The following ANKEF1 variants were observed in gnomAD, a reference collection of about 807,000 sequenced individuals.
The protein encoded by ANKEF1 is ankyrin repeat and EF-hand domain containing 1, also known as ankyrin repeat and EF-hand domain-containing protein 1.
ANKEF1 carries 43 observed loss-of-function variants against 65.1 expected under a neutral mutation model. The ratio of observed to expected loss-of-function variants is 0.66; its 90% CI spans 0.52 to 0.85. The LOEUF is 0.85. Ranked by LOEUF, ANKEF1 falls within the 40% of genes least tolerant of loss-of-function variation. The pLI is 0.00. For synonymous variants in ANKEF1, 316 were observed against 341.5 expected (o/e 0.93, Z 0.82); for missense variants, 934 against 952.9 (o/e 0.98, Z 0.26).
At chr20:10,045,114 C>A (rs1984435563) in intron 5 of ANKEF1, among the ~76,000 whole-genome samples, 1 of 152,156 alleles carries the variant, frequency 6.6e-6, no homozygotes, top group African/African-American at 2.4e-5. Context: ...TAGTTATCTT[C>A]ATTTATATCA....
chr20:10,038,490 G>A lies in ANKEF1; in HGVS notation c.189G>A (p.Met63Ile). The change falls in exon 3 of 11, where the codon ATG (methionine) becomes ATA (isoleucine). Residue 63 changes from methionine (M) to isoleucine (I), a missense_variant. By Grantham distance (10) the Met-to-Ile change is conservative. Transcript: ENST00000378392. ...HLASVSNDID[M>I]VSFLLDLGAH... The stretch of plus-strand genomic sequence containing the variant: ...CCTCAGTTTCCAATGATATTGATAT[G>A]GTCAGCTTTCTCCTTGACCTTGGTG... The A allele has an allele frequency of 6.2e-7, 1 of 1,614,166 alleles. No individual in the cohort carries two copies. The highest frequency in any genetic ancestry group is 1.6e-4 in the Middle Eastern group (1 of 6,062).
At position 10,045,591 on chromosome 20, in the gene ANKEF1, T is replaced by C; in HGVS notation, c.714T>C (p.Phe238=). The C allele has an allele frequency of 1.2e-6, 2 of 1,613,630 alleles. No individual in the cohort carries two copies. The highest frequency in any genetic ancestry group is 1.7e-6 in the Non-Finnish European group (2 of 1,179,644). Residue 238 remains phenylalanine, a synonymous_variant, in exon 6 of 11, where the codon TTT becomes TTC. Transcript: ENST00000378392. ...GGFFDILKLL[F]AYNGDVGLIS... Reference sequence around the variant, plus strand: ...TTTTACAGATATTGAAGCTTCTTTTTGCCTACAATGGAGACGTGGGGCTGA... The same window carrying C: ...TTTTACAGATATTGAAGCTTCTTTTCGCCTACAATGGAGACGTGGGGCTGA...
At chr20:10,053,820 T>G (rs1324341673) in intron 9 of ANKEF1, among the ~76,000 whole-genome samples, 1 of 152,170 alleles carries the variant, frequency 6.6e-6, no homozygotes, top group Admixed American at 6.5e-5. Flanking sequence ...GGTTGTAGGT[T>G]TTCAACGTTT....
At position 10,054,515 on chromosome 20, in the gene ANKEF1, AC is replaced by A; in HGVS notation, c.2089del (p.Gln697ArgfsTer8). On this transcript the variant is annotated frameshift_variant, in exon 10 of 11. Coordinates refer to ENST00000378392, the MANE Select transcript of ANKEF1 (RefSeq NM_022096.6). LOFTEE classifies it high-confidence loss of function. ...CAACCACATCAGAGGGAAAGAAAGT[AC>A]AGAAGGGTAATGTGGTTCATCTGAA... ...VPTTSEGKKVQKGNVVHLNSL... is the reference protein window; with the variant it reads ...VPTTSEGKKVXKGNVVHLNSL... 1 of 1,608,352 alleles carries A rather than the reference AC, an allele frequency of 6.2e-7. No homozygotes were observed. The highest frequency in any genetic ancestry group is 1.1e-5 in the South Asian group (1 of 89,930).
At chr20:10,050,801 A>G (rs902285857) in intron 7 of ANKEF1, among the ~76,000 whole-genome samples, 27 of 152,280 alleles carry the variant, frequency 1.8e-4, no homozygotes, top group African/African-American at 6.5e-4. Flanking sequence ...ATCTGCCTCT[A>G]TTTGAGGATC....
rs113745295 is a variant in ANKEF1, at chr20:10,044,604, A to G, written c.696+61A>G. On this transcript the variant is annotated intron_variant, in intron 5 of 10. Coordinates refer to ENST00000378392, the MANE Select transcript of ANKEF1 (RefSeq NM_022096.6). ...AAAACTTTTCTGTCCTTTTTCTCAA[A>G]TTTTTTTATATGTCATATAGAGTAC... The G allele has an allele frequency of 9.1e-5, 144 of 1,584,126 alleles. No homozygotes were observed. In the African/African-American group the frequency reaches 1.7e-3, roughly 18 times the overall value.
intron 4 of ANKEF1, 41 bp from the exon 5 acceptor site, chr20:10,044,353 G>A: frequency 6.3e-7 from 1 of 1,596,314 alleles, no homozygotes; most frequent in Non-Finnish European, 8.6e-7. Context: ...TTAATATGAT[G>A]GGTATAAACA....
At chr20:10,039,962 AAAAAG>A (rs1182866850) in intron 3 of ANKEF1, among the ~76,000 whole-genome samples, 1 of 152,224 alleles carries the variant, frequency 6.6e-6, no homozygotes, top group Non-Finnish European at 1.5e-5. Context: ...ATCACAAAGA[AAAAAG>A]AAATTCTATA....
intron 6 of ANKEF1, among the ~76,000 whole-genome samples, chr20:10,046,858 CATA>C (rs1411213385): frequency 6.6e-6 from 1 of 152,148 alleles, no homozygotes; most frequent in East Asian, 1.9e-4. Context: ...ACTATAATAG[CATA>C]ATAACATCCA....
In ANKEF1 at chr20:10,057,620, A is replaced by C. The variant is rs745451453; in HGVS notation, c.*1960A>C. On this transcript the variant is annotated 3_prime_UTR_variant, in exon 11 of 11. Transcript: ENST00000378392. ...ATGATGAAGACATGATGTTCTTCAC[A>C]TGATGTTTTCATATTTGTGTGTCAG... 6.6e-6 allele frequency: 1 copy of C among 152,200 alleles called. No individual in the cohort carries two copies. The highest frequency in any genetic ancestry group is 1.5e-5 in the Non-Finnish European group (1 of 68,044). The allele number at this position is 152,200 out of a possible 1,614,324, so 9.4% of individuals were successfully genotyped here. A position where few individuals can be genotyped will look rare whatever the true frequency, so the allele number is the denominator to read the frequency against.
At position 10,038,734 on chromosome 20, in the gene ANKEF1, T is replaced by C; in HGVS notation, c.346+87T>C. ...CATGGACTCTTTTTGTTTTCCAACT[T>C]TAGAAGTGAATTACTTATGGTTTTA... On this transcript the variant is annotated intron_variant, in intron 3 of 10. Coordinates refer to ENST00000378392, the MANE Select transcript of ANKEF1 (RefSeq NM_022096.6). 3 of 1,047,252 alleles carry C rather than the reference T, an allele frequency of 2.9e-6. No individual in the cohort carries two copies. The Admixed American group carries it at 8.3e-5, about 29-fold the overall frequency. The allele number at this position is 1,047,252 out of a possible 1,614,324, so 64.9% of individuals were successfully genotyped here.
chr20:10,038,753 G>T, intron 3 of ANKEF1, 106 bp downstream of exon 3: 1 of 879,908 alleles, frequency 1.1e-6, no homozygotes, highest in South Asian at 1.9e-5. Context: ...AATTACTTAT[G>T]GTTTTAAGGG....
chr20:10,055,799 T>C lies in ANKEF1; in HGVS notation c.*139T>C. ...AAGAATTTCTTTTTGCTTTAACAACTATAAATATTCTTAGCTGTCTAGAGA... is the reference window on the plus strand; with the variant it reads ...AAGAATTTCTTTTTGCTTTAACAACCATAAATATTCTTAGCTGTCTAGAGA... On this transcript the variant is annotated 3_prime_UTR_variant, in exon 11 of 11. Transcript: ENST00000378392. 2.6e-6 allele frequency: 2 copies of C among 767,660 alleles called. No homozygotes were observed. Among genetic ancestry groups the C allele is most frequent in the Non-Finnish European group, 4.2e-6 (2 of 479,038 alleles). 47.6% of individuals were successfully genotyped at this position (767,660 alleles called of 1,614,324 possible). A position where few individuals can be genotyped will look rare whatever the true frequency, so the allele number is the denominator to read the frequency against.
At chr20:10,046,111 CAA>C (rs1984512966) in intron 6 of ANKEF1, among the ~76,000 whole-genome samples, 2 of 151,594 alleles carry the variant, frequency 1.3e-5, no homozygotes, top group Non-Finnish European at 2.9e-5. Flanking sequence ...CCTCTACTAA[CAA>C]TGCAAAAAAA....
At chr20:10,046,180 A>C (rs930433803) in intron 6 of ANKEF1, among the ~76,000 whole-genome samples, 2 of 152,204 alleles carry the variant, frequency 1.3e-5, no homozygotes, top group Non-Finnish European at 2.9e-5. Context: ...AGGCTAAGGC[A>C]CAAGAATCAC....
rs1985158922 is a variant in ANKEF1, at chr20:10,056,475, G to A, written c.*815G>A. 1 of 143,448 alleles carries A rather than the reference G, an allele frequency of 7.0e-6. No homozygotes were observed. Among genetic ancestry groups the A allele is most frequent in the Admixed American group, 7.0e-5 (1 of 14,314 alleles). The allele number at this position is 143,448 out of a possible 1,614,324, so 8.9% of individuals were successfully genotyped here. ...CAGATATATAGATGATAGATAGATA[G>A]ATGATAGATAGATAGATAGATGATA... On this transcript the variant is annotated 3_prime_UTR_variant, in exon 11 of 11. Transcript: ENST00000378392.
intron 3 of ANKEF1, among the ~76,000 whole-genome samples, chr20:10,041,448 A>G (rs1984187374): frequency 6.6e-6 from 1 of 152,200 alleles, no homozygotes; most frequent in Non-Finnish European, 1.5e-5. Context: ...GATTAGTACA[A>G]TAACCCTTCC....
intron 4 of ANKEF1, among the ~76,000 whole-genome samples, chr20:10,043,799 C>CGT (rs1984346388): frequency 6.6e-6 from 1 of 151,674 alleles, no homozygotes; most frequent in South Asian, 2.1e-4. Flanking sequence ...GCTGGGATTA[C>CGT]AGGTGCATGC....
Position 10,044,460 on chromosome 20 carries a change from T to C in ANKEF1, c.613T>C (p.Leu205=). The change falls in exon 5 of 11, where the codon TTG becomes CTG. Residue 205 remains leucine (L), a synonymous_variant. Transcript: ENST00000378392. ...EGVVEIVRGI[L]ERGGEVNAFD... ...GGTAGTGGAAATAGTTCGAGGCATA[T>C]TGGAAAGAGGAGGTGAAGTGAATGC... 6.2e-7 allele frequency: 1 copy of C among 1,614,090 alleles called. No individual in the cohort carries two copies. Among genetic ancestry groups the C allele is most frequent in the Non-Finnish European group, 8.5e-7 (1 of 1,179,994 alleles).
Sources: gnomAD v4.1 joint callset for allele counts (sites outside exome capture counted in the v4.1 genomes callset) on GRCh38, gnomAD v4.1.1 for gene constraint, MANE v1.5 for transcripts, NCBI Gene and HGNC (gene_info 2026-07-23, HGNC 2026-07-21) for gene names.